SDR42E1: variants seen among roughly 807,000 people sequenced by gnomAD.
The protein encoded by SDR42E1 is short chain dehydrogenase/reductase family 42E, member 1, also known as short-chain dehydrogenase/reductase family 42E member 1.
In SDR42E1, 5 loss-of-function variants were observed where a neutral mutation model predicts 2.6. The ratio of observed to expected loss-of-function variants is 1.94; its 90% CI spans 1.01 to 4.08. SDR42E1 has a LOEUF of 4.08. SDR42E1 is among the 30% of genes most tolerant of loss of function. The pLI is 0.00. For synonymous variants in SDR42E1, 231 were observed against 188.3 expected (o/e 1.23, Z -1.86); for missense variants, 596 against 478.6 (o/e 1.25, Z -2.29).
chr16:82,001,967 C>A (rs1385917776), intron 1 of SDR42E1, among the ~76,000 whole-genome samples: 2 of 149,596 alleles, frequency 1.3e-5, no homozygotes, highest in African/African-American at 5.0e-5. Flanking sequence ...CGTATACACA[C>A]ACACACACAC....
Position 81,996,316 on chromosome 16 carries a change from T to A in SDR42E1, c.*2795A>T, listed in dbSNP as rs927543426. 1 of 152,230 alleles carries A rather than the reference T, an allele frequency of 6.6e-6. No individual in the cohort carries two copies. Among genetic ancestry groups the A allele is most frequent in the Admixed American group, 6.5e-5 (1 of 15,282 alleles). 9.4% of individuals were successfully genotyped at this position (152,230 alleles called of 1,614,324 possible). ...ATCTATGGGAGAGAAGGTACACCTATACCTTGGGCAGTTTTAAGGCATGAT... is the reference window on the plus strand; with the variant it reads ...ATCTATGGGAGAGAAGGTACACCTAAACCTTGGGCAGTTTTAAGGCATGAT... On this transcript the variant is annotated 3_prime_UTR_variant, in exon 3 of 3. Coordinates refer to ENST00000328945, the MANE Select transcript of SDR42E1 (RefSeq NM_145168.3).
In SDR42E1 at chr16:81,999,011, GC is replaced by G; in HGVS notation, c.*99del. The G allele has an allele frequency of 7.9e-7, 1 of 1,273,634 alleles. No individual in the cohort carries two copies. Among genetic ancestry groups the G allele is most frequent in the Non-Finnish European group, 1.1e-6 (1 of 928,876 alleles). The allele number at this position is 1,273,634 out of a possible 1,614,324, so 78.9% of individuals were successfully genotyped here. A position where few individuals can be genotyped will look rare whatever the true frequency, so the allele number is the denominator to read the frequency against. ...CTATTCTTAAGTAGCAATTTGAAGA[GC>G]CAATGTTTGGCACCAGATATCACTG... is the stretch of plus-strand genomic sequence containing the variant. On this transcript the variant is annotated 3_prime_UTR_variant, in exon 3 of 3. Transcript: ENST00000328945.
rs899436067 is a variant in SDR42E1, at chr16:81,990,937, A to G, written c.*8174T>C. ...TCTACAGGCTGGACTTTGCATTTTC[A>G]TTACTTCGAAAGATTTTTATTAGGT... is the stretch of plus-strand genomic sequence containing the variant. On this transcript the variant is annotated 3_prime_UTR_variant, in exon 3 of 3. Transcript: ENST00000328945. The G allele has an allele frequency of 6.6e-6, 1 of 152,214 alleles. No homozygotes were observed. The highest frequency in any genetic ancestry group is 1.5e-5 in the Non-Finnish European group (1 of 68,040). 9.4% of individuals were successfully genotyped at this position (152,214 alleles called of 1,614,324 possible). A position where few individuals can be genotyped will look rare whatever the true frequency, so the allele number is the denominator to read the frequency against.
In SDR42E1 at chr16:81,993,548, T is replaced by C. The variant is rs1431340789; in HGVS notation, c.*5563A>G. On this transcript the variant is annotated 3_prime_UTR_variant, in exon 3 of 3. Coordinates refer to ENST00000328945, the MANE Select transcript of SDR42E1 (RefSeq NM_145168.3). Reference sequence around the variant, plus strand: ...TTTACATGATGTCACCCTTCTGGAGTCTGCATTTTTAATTTAGGCCTTGAA... The same window carrying C: ...TTTACATGATGTCACCCTTCTGGAGCCTGCATTTTTAATTTAGGCCTTGAA... The C allele has an allele frequency of 1.3e-5, 2 of 152,058 alleles. No individual in the cohort carries two copies. Among genetic ancestry groups the C allele is most frequent in the Non-Finnish European group, 2.9e-5 (2 of 68,026 alleles). The allele number at this position is 152,058 out of a possible 1,614,324, so 9.4% of individuals were successfully genotyped here.
intron 1 of SDR42E1, among the ~76,000 whole-genome samples, chr16:82,003,836 C>CTAGA: frequency 6.6e-6 from 1 of 152,310 alleles, no homozygotes; most frequent in South Asian, 2.1e-4. Flanking sequence ...GGTGTCCCTA[C>CTAGA]TAGAATCCAG....
intron 1 of SDR42E1, among the ~76,000 whole-genome samples, chr16:82,003,575 C>T (rs1912839683): frequency 6.6e-6 from 1 of 152,210 alleles, no homozygotes; most frequent in Non-Finnish European, 1.5e-5. Flanking sequence ...CTCCTGTTCT[C>T]ACTTCAGTGT....
In SDR42E1 at chr16:81,998,301, A is replaced by G. The variant is rs781402360; in HGVS notation, c.*810T>C. The G allele has an allele frequency of 2.6e-5, 4 of 152,202 alleles. No individual in the cohort carries two copies. The highest frequency in any genetic ancestry group is 4.4e-5 in the Non-Finnish European group (3 of 68,028). The allele number at this position is 152,202 out of a possible 1,614,324, so 9.4% of individuals were successfully genotyped here. A position where few individuals can be genotyped will look rare whatever the true frequency, so the allele number is the denominator to read the frequency against. On this transcript the variant is annotated 3_prime_UTR_variant, in exon 3 of 3. Coordinates refer to ENST00000328945, the MANE Select transcript of SDR42E1 (RefSeq NM_145168.3). Reference sequence around the variant, plus strand: ...CTTCTTAGAGGCCTAAACTTTACAAATAGAGTATATCCAAATACACTTGTT... The same window carrying G: ...CTTCTTAGAGGCCTAAACTTTACAAGTAGAGTATATCCAAATACACTTGTT...
In SDR42E1 at chr16:81,993,147, C is replaced by A. The variant is rs1238207603; in HGVS notation, c.*5964G>T. 1 of 152,204 alleles carries A rather than the reference C, an allele frequency of 6.6e-6. No homozygotes were observed. The highest frequency in any genetic ancestry group is 1.9e-4 in the East Asian group (1 of 5,186). The allele number at this position is 152,204 out of a possible 1,614,324, so 9.4% of individuals were successfully genotyped here. A position where few individuals can be genotyped will look rare whatever the true frequency, so the allele number is the denominator to read the frequency against. On this transcript the variant is annotated 3_prime_UTR_variant, in exon 3 of 3. Transcript: ENST00000328945. ...GGTGGGGGGTCACTCGAATCCAAGG[C>A]CCTTTGGCGAGTCCCATCTCCCCCT...
rs1912374752 is a variant in SDR42E1, at chr16:81,989,308, G to C, written c.*9803C>G. On this transcript the variant is annotated 3_prime_UTR_variant, in exon 3 of 3. Transcript: ENST00000328945. Reference sequence around the variant, plus strand: ...AGAAGGAACTGTGAGGTGGGAGACAGTAGTATGGGGAAAGACATGAACACC... The same window carrying C: ...AGAAGGAACTGTGAGGTGGGAGACACTAGTATGGGGAAAGACATGAACACC... The C allele has an allele frequency of 6.6e-6, 1 of 152,216 alleles. No homozygotes were observed. Among genetic ancestry groups the C allele is most frequent in the African/African-American group, 2.4e-5 (1 of 41,442 alleles). The allele number at this position is 152,216 out of a possible 1,614,324, so 9.4% of individuals were successfully genotyped here. A position where few individuals can be genotyped will look rare whatever the true frequency, so the allele number is the denominator to read the frequency against.
intron 1 of SDR42E1, among the ~76,000 whole-genome samples, chr16:82,004,603 C>T (rs192556173): frequency 6.6e-6 from 1 of 152,180 alleles, no homozygotes; most frequent in Non-Finnish European, 1.5e-5. Flanking sequence ...TGGCCTCAAG[C>T]GATCCTCCTA....
chr16:81,990,084 G>A lies in SDR42E1; in HGVS notation c.*9027C>T, dbSNP rs1346773138. Reference sequence around the variant, plus strand: ...CTCACCACTTTGGGAGACTGAGGAAGGAGGATCACCTAAGGCCAGGAGTTT... The same window carrying A: ...CTCACCACTTTGGGAGACTGAGGAAAGAGGATCACCTAAGGCCAGGAGTTT... On this transcript the variant is annotated 3_prime_UTR_variant, in exon 3 of 3. Coordinates refer to ENST00000328945, the MANE Select transcript of SDR42E1 (RefSeq NM_145168.3). 2 of 152,502 alleles carry A rather than the reference G, an allele frequency of 1.3e-5. No homozygotes were observed. The highest frequency in any genetic ancestry group is 2.1e-4 in the South Asian group (1 of 4,822). 9.4% of individuals were successfully genotyped at this position (152,502 alleles called of 1,614,324 possible).
chr16:82,000,278 G>T, intron 2 of SDR42E1, 54 bp from the exon 3 acceptor site: 1 of 1,594,596 alleles, frequency 6.3e-7, no homozygotes, highest in South Asian at 1.1e-5. Flanking sequence ...CTGTGCCTAG[G>T]GGAAGTGTAT....
At chr16:82,006,421 C>G (rs1912936305) in intron 1 of SDR42E1, among the ~76,000 whole-genome samples, 1 of 152,024 alleles carries the variant, frequency 6.6e-6, no homozygotes, top group Admixed American at 6.6e-5. Context: ...ACAAGGAAGT[C>G]AAAACAATAA....
intron 2 of SDR42E1, chr16:82,000,563 G>A (rs1912724282): frequency 3.4e-6 from 2 of 589,286 alleles, no homozygotes; most frequent in Non-Finnish European, 6.0e-6. Flanking sequence ...ATTGTTTTTG[G>A]TGATGTGAAT....
In SDR42E1 at chr16:81,998,209, A is replaced by C. The variant is rs529543986; in HGVS notation, c.*902T>G. On this transcript the variant is annotated 3_prime_UTR_variant, in exon 3 of 3. Transcript: ENST00000328945. ...GAGTTTAGAGCTCTGCTTCATTTTTAAACTAAAAATGGCATCAGCTTGATT... is the reference window on the plus strand; with the variant it reads ...GAGTTTAGAGCTCTGCTTCATTTTTCAACTAAAAATGGCATCAGCTTGATT... 4 of 152,300 alleles carry C rather than the reference A, an allele frequency of 2.6e-5. No individual in the cohort carries two copies. The highest frequency in any genetic ancestry group is 9.6e-5 in the African/African-American group (4 of 41,568). 9.4% of individuals were successfully genotyped at this position (152,300 alleles called of 1,614,324 possible).
chr16:82,005,773 G>C (rs900675743), intron 1 of SDR42E1, among the ~76,000 whole-genome samples: 1 of 152,100 alleles, frequency 6.6e-6, no homozygotes, highest in African/African-American at 2.4e-5. Flanking sequence ...GGCTACATCC[G>C]ACCTGAGCAG....
rs1430423659 is a variant in SDR42E1 at position 81,992,385 on chromosome 16, A to T, written c.*6726T>A. The T allele has an allele frequency of 2.0e-5, 3 of 152,216 alleles. No homozygotes were observed. The highest frequency in any genetic ancestry group is 1.3e-4 in the Admixed American group (2 of 15,292). 9.4% of individuals were successfully genotyped at this position (152,216 alleles called of 1,614,324 possible). Reference sequence around the variant, plus strand: ...GTGTTGTAATTGCCCAGCAATGTGCAAATAATTCCCCTTAAAACCTGGGCA... The same window carrying T: ...GTGTTGTAATTGCCCAGCAATGTGCTAATAATTCCCCTTAAAACCTGGGCA... On this transcript the variant is annotated 3_prime_UTR_variant, in exon 3 of 3. Coordinates refer to ENST00000328945, the MANE Select transcript of SDR42E1 (RefSeq NM_145168.3).
intron 2 of SDR42E1, 150 bp from the exon 3 acceptor site, chr16:82,000,374 G>A: frequency 1.1e-6 from 1 of 947,722 alleles, no homozygotes; most frequent in Non-Finnish European, 1.7e-6. Flanking sequence ...CTTGGTGCAA[G>A]CCTCGCTTCT....
At chr16:82,010,066 T>C (rs1490909321) in intron 1 of SDR42E1, among the ~76,000 whole-genome samples, 1 of 152,248 alleles carries the variant, frequency 6.6e-6, no homozygotes, top group Non-Finnish European at 1.5e-5. Flanking sequence ...TCTTTTGCCT[T>C]CTGGCATGAT....
Sources: allele counts gnomAD v4.1 joint callset (sites outside exome capture counted in the v4.1 genomes callset), GRCh38; gene constraint gnomAD v4.1.1; transcripts MANE v1.5; gene names NCBI Gene and HGNC (gene_info 2026-07-23, HGNC 2026-07-21).